Variants in TSEN54 observed in about 807,000 individuals in gnomAD.
TSEN54 encodes the protein tRNA splicing endonuclease subunit 54, also known as tRNA-splicing endonuclease subunit Sen54.
Under a neutral mutation model 61.9 loss-of-function variants are expected in TSEN54, and 55 were observed. The observed-to-expected ratio is 0.89, with a 90% confidence interval of 0.72 to 1.11. The LOEUF (loss-of-function observed/expected upper bound fraction) is 1.11. Ranked by LOEUF, TSEN54 falls within the 50% of genes most tolerant of loss-of-function variation. TSEN54 has a pLI of 0.00. For missense variants in TSEN54, 760 were observed against 687.7 expected (o/e 1.11, Z -1.18); for synonymous variants, 304 against 288.7 (o/e 1.05, Z -0.54).
chr17:75,524,580 C>A lies in TSEN54; in HGVS notation c.*168C>A. ...ACTCACAGAGTGAAACTGTGACCCT[C>A]TCCCTTCCCTGCTGCCTTGCAGTGA... On this transcript the variant is annotated 3_prime_UTR_variant, in exon 11 of 11. Transcript: ENST00000333213. 1 of 854,792 alleles carries A rather than the reference C, an allele frequency of 1.2e-6. No individual in the cohort carries two copies. Among genetic ancestry groups the A allele is most frequent in the Non-Finnish European group, 1.9e-6 (1 of 520,950 alleles). The allele number at this position is 854,792 out of a possible 1,614,324, so 53.0% of individuals were successfully genotyped here.
Position 75,524,446 on chromosome 17 carries a change from G to A in TSEN54, c.*34G>A, listed in dbSNP as rs200162738. On this transcript the variant is annotated 3_prime_UTR_variant, in exon 11 of 11. Transcript: ENST00000333213. The stretch of plus-strand genomic sequence containing the variant: ...CTCTGCAGAGGATGGAGCTTGCTCC[G>A]GGGGACCGGGACTGTCTGTTCTCAG... The A allele has an allele frequency of 2.0e-5, 33 of 1,613,076 alleles. No individual in the cohort carries two copies. Among genetic ancestry groups the A allele is most frequent in the Non-Finnish European group, 2.2e-5 (26 of 1,179,806 alleles).
rs1387373499 is a variant in TSEN54 at position 75,524,332 on chromosome 17, A to G, written c.1501A>G (p.Ile501Val). 1 of 1,614,116 alleles carries G rather than the reference A, an allele frequency of 6.2e-7. No homozygotes were observed. The highest frequency in any genetic ancestry group is 1.7e-5 in the Admixed American group (1 of 60,022). ...TTACCAGAGTGGGGATGTCCCTCTG[A>G]TCTTTGCCCTGGTGGATCATGGTGA... ...LSYQSGDVPLIFALVDHGDIS... is the reference protein window; with the variant it reads ...LSYQSGDVPLVFALVDHGDIS... The change falls in exon 11 of 11, where the codon ATC (isoleucine) becomes GTC (valine). Residue 501 changes from isoleucine (I) to valine (V), a missense_variant. This residue lies in a region of TSEN54 where 83 missense variants were observed against 82.9 expected (regional missense o/e 1.00). Transcript: ENST00000333213.
intron 6 of TSEN54, among the ~76,000 whole-genome samples, chr17:75,520,462 T>C (rs1489408907): frequency 6.8e-6 from 1 of 146,642 alleles, no homozygotes; most frequent in East Asian, 2.0e-4. Context: ...GGCAGGCGCC[T>C]ATAGTCCCAG....
At chr17:75,517,450 G>C in intron 4 of TSEN54, 107 bp from the exon 5 acceptor site, 2 of 1,223,082 alleles carry the variant, frequency 1.6e-6, no homozygotes, top group Non-Finnish European at 2.4e-6. Flanking sequence ...CATTCTTGAT[G>C]CGCTGCTGAG....
At position 75,524,651 on chromosome 17, in the gene TSEN54, G is replaced by A. The variant is rs1158184632; in HGVS notation, c.*239G>A. On this transcript the variant is annotated 3_prime_UTR_variant, in exon 11 of 11. Transcript: ENST00000333213. The stretch of plus-strand genomic sequence containing the variant: ...CGATTTTAAGGACCCAGGAGGTGGG[G>A]CAGAAGAGAGGACTGTGTGCCTTTA... 3 of 628,910 alleles carry A rather than the reference G, an allele frequency of 4.8e-6. No individual in the cohort carries two copies. Among genetic ancestry groups the A allele is most frequent in the Non-Finnish European group, 8.7e-6 (3 of 346,228 alleles). The allele number at this position is 628,910 out of a possible 1,614,324, so 39.0% of individuals were successfully genotyped here.
intron 9 of TSEN54, 21 bp from the exon 10 acceptor site, chr17:75,523,634 TGTCATAAC>T: frequency 6.2e-7 from 1 of 1,614,192 alleles, no homozygotes; most frequent in Non-Finnish European, 8.5e-7. Flanking sequence ...GAAGAGTTCA[TGTCATAAC>T]GTTTCTCATT....
chr17:75,517,479 CAG>C (rs1319707319), intron 4 of TSEN54, 76 bp from the exon 5 acceptor site: 5 of 1,348,740 alleles, frequency 3.7e-6, no homozygotes, highest in Non-Finnish European at 5.3e-6. Context: ...GGGGAGGTAT[CAG>C]AGCTGGGAAG....
Position 75,521,834 on chromosome 17 carries a change from G to T in TSEN54, c.753G>T (p.Met251Ile), listed in dbSNP as rs375386151. 87 of 1,612,620 alleles carry T rather than the reference G, an allele frequency of 5.4e-5. No individual in the cohort carries two copies. Among genetic ancestry groups the T allele is most frequent in the Admixed American group, 4.0e-4 (24 of 59,958 alleles). Residue 251 changes from methionine (M) to isoleucine (I), a missense_variant, in exon 8 of 11, where the codon ATG becomes ATT. Met to Ile is a conservative substitution (Grantham distance 10). This residue lies in a region of TSEN54 where 667 missense variants were observed against 577.8 expected (regional missense o/e 1.15). Transcript: ENST00000333213. ...AGAAACCCCAGGAGTCAAGCCCCAT[G>T]AAGGGCCCAGGGGGCCCCTTTCAGC... ...PEEKPQESSP[M>I]KGPGGPFQLL...
intron 6 of TSEN54, among the ~76,000 whole-genome samples, chr17:75,520,754 G>A (rs150066605): frequency 6.6e-6 from 1 of 152,202 alleles, no homozygotes; most frequent in Non-Finnish European, 1.5e-5. Context: ...AGGAGATGGA[G>A]ACCATCCCGG....
intron 9 of TSEN54, 44 bp from the exon 10 acceptor site, chr17:75,523,619 G>A: frequency 6.2e-7 from 1 of 1,613,994 alleles, no homozygotes. Flanking sequence ...AAGAAAGGTT[G>A]GGGAGAAGAG....
In TSEN54 at chr17:75,524,679, G is replaced by C. The variant is rs552563865; in HGVS notation, c.*267G>C. On this transcript the variant is annotated 3_prime_UTR_variant, in exon 11 of 11. Transcript: ENST00000333213. ...GAAGAGAGGACTGTGTGCCTTTAACGAGAGGGTGCCTGCTTCGTGCTATAA... is the reference window on the plus strand; with the variant it reads ...GAAGAGAGGACTGTGTGCCTTTAACCAGAGGGTGCCTGCTTCGTGCTATAA... 2.1e-5 allele frequency: 12 copies of C among 564,102 alleles called. No homozygotes were observed. The highest frequency in any genetic ancestry group is 3.0e-5 in the Admixed American group (1 of 33,634). 34.9% of individuals were successfully genotyped at this position (564,102 alleles called of 1,614,324 possible). A position where few individuals can be genotyped will look rare whatever the true frequency, so the allele number is the denominator to read the frequency against.
At chr17:75,516,979 T>A in intron 2 of TSEN54, 30 bp from the exon 3 acceptor site, 1 of 1,561,220 alleles carries the variant, frequency 6.4e-7, no homozygotes, top group Non-Finnish European at 8.7e-7. Flanking sequence ...CGGAATGGAC[T>A]GACGCAGACC....
chr17:75,522,293 C>G lies in TSEN54; in HGVS notation c.1212C>G (p.Pro404=). The change falls in exon 8 of 11, where the codon CCC becomes CCG. Residue 404 remains proline (P), a synonymous_variant. Transcript: ENST00000333213. ...GGGCCCCTCACCTGTGGGGCCAGCCCGTCACCCCGCTGCTGAGTCCTGGCC... is the reference window on the plus strand; with the variant it reads ...GGGCCCCTCACCTGTGGGGCCAGCCGGTCACCCCGCTGCTGAGTCCTGGCC... ...QRRAPHLWGQ[P]VTPLLSPGQA... is the part of the protein sequence containing the mutation. 6.5e-7 allele frequency: 1 copy of G among 1,546,214 alleles called. No homozygotes were observed. Among genetic ancestry groups the G allele is most frequent in the Non-Finnish European group, 8.7e-7 (1 of 1,146,758 alleles).
rs1185071415 is a variant in TSEN54, at chr17:75,524,492, T to C, written c.*80T>C. 1.9e-6 allele frequency: 3 copies of C among 1,572,534 alleles called. No homozygotes were observed. The highest frequency in any genetic ancestry group is 1.3e-5 in the African/African-American group (1 of 74,160). On this transcript the variant is annotated 3_prime_UTR_variant, in exon 11 of 11. Coordinates refer to ENST00000333213, the MANE Select transcript of TSEN54 (RefSeq NM_207346.3). Reference sequence around the variant, plus strand: ...CTCAGGGACCATCTCGGCTGCCTCCTGTACCCAGACTCTAACCTGTAGCTT... The same window carrying C: ...CTCAGGGACCATCTCGGCTGCCTCCCGTACCCAGACTCTAACCTGTAGCTT...
intron 5 of TSEN54, 83 bp downstream of exon 5, chr17:75,517,738 C>G: frequency 8.3e-7 from 1 of 1,208,164 alleles, no homozygotes; most frequent in African/African-American, 1.5e-5. Flanking sequence ...GTGCCAGGCA[C>G]AGTGTCACAT....
At chr17:75,518,762 G>C in intron 5 of TSEN54, 1 of 985,406 alleles carries the variant, frequency 1.0e-6, no homozygotes, top group Non-Finnish European at 1.2e-6. Context: ...TTTGGATTTG[G>C]CTAAATGTCA....
At position 75,524,301 on chromosome 17, in the gene TSEN54, G is replaced by T. The variant is rs1247593837; in HGVS notation, c.1470G>T (p.Arg490=). The T allele has an allele frequency of 1.2e-6, 2 of 1,614,202 alleles. No homozygotes were observed. Among genetic ancestry groups the T allele is most frequent in the East Asian group, 2.2e-5 (1 of 44,888 alleles). The change falls in exon 11 of 11, where the codon CGG becomes CGT. Residue 490 remains arginine (R), a synonymous_variant. Coordinates refer to ENST00000333213, the MANE Select transcript of TSEN54 (RefSeq NM_207346.3). Reference sequence around the variant, plus strand: ...TCCCAGACCTCTGCAGCCTCAAGCGGTTGTCTTACCAGAGTGGGGATGTCC... The same window carrying T: ...TCCCAGACCTCTGCAGCCTCAAGCGTTTGTCTTACCAGAGTGGGGATGTCC... ...EPVPDLCSLK[R]LSYQSGDVPL...
chr17:75,521,630 G>A, intron 7 of TSEN54, 75 bp from the exon 8 acceptor site: 1 of 1,579,920 alleles, frequency 6.3e-7, no homozygotes, highest in Non-Finnish European at 8.7e-7. Context: ...TAGGGGACCT[G>A]CCTTCAGCTC....
chr17:75,516,537 C>A lies in TSEN54; in HGVS notation c.-24C>A. ...CGGCGGTGGGCGGGGCGTGGCGGCGCGCGCAGCGGCAGGCGGCGGCGGGAT... is the reference window on the plus strand; with the variant it reads ...CGGCGGTGGGCGGGGCGTGGCGGCGAGCGCAGCGGCAGGCGGCGGCGGGAT... On this transcript the variant is annotated 5_prime_UTR_variant, in exon 1 of 11. Transcript: ENST00000333213. 9.0e-7 allele frequency: 1 copy of A among 1,107,816 alleles called. No homozygotes were observed. The highest frequency in any genetic ancestry group is 1.1e-6 in the Non-Finnish European group (1 of 911,094). 68.6% of individuals were successfully genotyped at this position (1,107,816 alleles called of 1,614,324 possible).
Sources: gnomAD v4.1 joint callset for allele counts (sites outside exome capture counted in the v4.1 genomes callset) on GRCh38, gnomAD v4.1.1 for gene constraint, gnomAD v4.1.1 regional missense constraint, MANE v1.5 for transcripts, NCBI Gene and HGNC (gene_info 2026-07-23, HGNC 2026-07-21) for gene names.